EPHB4: variants seen among roughly 807,000 people sequenced by gnomAD.
EPHB4 encodes ephrin type-B receptor 4.
In EPHB4, 50 loss-of-function variants were observed where a neutral mutation model predicts 110.6. The observed-to-expected ratio is 0.45, with a 90% CI of 0.36 to 0.57. The LOEUF (loss-of-function observed/expected upper bound fraction) is 0.57. Among genes scored for constraint, EPHB4 ranks in the 20% least tolerant of loss-of-function variants. The pLI, the probability that EPHB4 is intolerant of heterozygous loss-of-function variation, is 0.00. For synonymous variants in EPHB4, 592 were observed against 578.4 expected, an observed-to-expected ratio of 1.02 and a Z score of -0.34; for missense variants, 1,128 against 1,382.1, an observed-to-expected ratio of 0.82 and a Z score of 2.91.
intron 8 of EPHB4, among the ~76,000 whole-genome samples, chr7:100,815,922 AG>A (rs1813055352): frequency 6.6e-6 from 1 of 152,172 alleles, no homozygotes; most frequent in Non-Finnish European, 1.5e-5. Flanking sequence ...CGGGAGTTGT[AG>A]GCTGCAATGA....
Position 100,805,683 on chromosome 7 carries a change from G to A in EPHB4, c.2496C>T (p.Ala832=). ...WDMSNQDVIN[A]IEQDYRLPPP... is the part of the protein sequence containing the mutation. ...GGGGCAGCCGGTAGTCCTGTTCAAT[G>A]GCATTGATCACCTGGAAAGAGGGGA... Residue 832 remains alanine, a synonymous_variant, in exon 15 of 17, where the codon GCC becomes GCT. Transcript: ENST00000358173. 1 of 1,492,518 alleles carries A rather than the reference G, an allele frequency of 6.7e-7. No individual in the cohort carries two copies. The highest frequency in any genetic ancestry group is 2.5e-5 in the East Asian group (1 of 40,564). The allele number at this position is 1,492,518 out of a possible 1,614,324, so 92.5% of individuals were successfully genotyped here.
At position 100,822,275 on chromosome 7, in the gene EPHB4, G is replaced by A. The variant is rs1813253984; in HGVS notation, c.804C>T (p.Cys268=). The A allele has an allele frequency of 6.4e-7, 1 of 1,559,636 alleles. No individual in the cohort carries two copies. The highest frequency in any genetic ancestry group is 1.9e-5 in the Admixed American group (1 of 53,914). The change falls in exon 4 of 17, where the codon TGC becomes TGT. Residue 268 remains cysteine, a synonymous_variant. Transcript: ENST00000358173. The surrounding 1 kb of genome is among the most constrained non-coding windows in gnomAD (Gnocchi z 4.7). ...GFEAAEGNTK[C]RACAQGTFKP... ...AGGGGAAGCTCCAGCTCTCACCTCG[G>A]CACTTGGTGTTCCCCTCAGCTGCCT... is the stretch of plus-strand genomic sequence containing the variant.
Position 100,803,264 on chromosome 7 carries a change from C to A in EPHB4, c.*197G>T. On this transcript the variant is annotated 3_prime_UTR_variant, in exon 17 of 17. Coordinates refer to ENST00000358173, the MANE Select transcript of EPHB4 (RefSeq NM_004444.5). The stretch of plus-strand genomic sequence containing the variant: ...CGCCCTCACCCTTGGTCTGGAGTTC[C>A]CCGAGGTGGCTGGGGGGTGATTTTC... 1 of 601,178 alleles carries A rather than the reference C, an allele frequency of 1.7e-6. No homozygotes were observed. Among genetic ancestry groups the A allele is most frequent in the Non-Finnish European group, 2.6e-6 (1 of 384,272 alleles). 37.2% of individuals were successfully genotyped at this position (601,178 alleles called of 1,614,324 possible). A position where few individuals can be genotyped will look rare whatever the true frequency, so the allele number is the denominator to read the frequency against.
At chr7:100,813,805 A>G (rs1409142182) in intron 9 of EPHB4, 89 bp from the exon 10 acceptor site, 13 of 1,606,376 alleles carry the variant, frequency 8.1e-6, no homozygotes, top group Non-Finnish European at 9.4e-6. Context: ...GGGATTGGAG[A>G]AGATTTCAAG....
chr7:100,805,157 A>G lies in EPHB4; in HGVS notation c.2834+9T>C. On this transcript the variant is annotated intron_variant, in intron 16 of 16. Transcript: ENST00000358173. ...TCCCAGCCCCACTCCAGCTCCTGCC[A>G]CTGCTTACTCAGCAGAGATCTGGCT... 6.2e-7 allele frequency: 1 copy of G among 1,611,206 alleles called. No individual in the cohort carries two copies. The highest frequency in any genetic ancestry group is 8.5e-7 in the Non-Finnish European group (1 of 1,178,738).
In EPHB4 at chr7:100,822,820, C is replaced by T. The variant is rs1289671515; in HGVS notation, c.412-153G>A. On this transcript the variant is annotated intron_variant, in intron 3 of 16. Coordinates refer to ENST00000358173, the MANE Select transcript of EPHB4 (RefSeq NM_004444.5). The surrounding 1 kb of genome is among the most constrained non-coding windows in gnomAD (Gnocchi z 4.7). The stretch of plus-strand genomic sequence containing the variant: ...CCCCAGGGCACACTTTCTGCAGGCC[C>T]CCACACTGTCCATTCAGCCTTGCAA... 1.3e-5 allele frequency among the ~76,000 whole-genome samples: 2 copies of T among 152,210 alleles called. No homozygotes were observed. Among genetic ancestry groups the T allele is most frequent in the African/African-American group, 4.8e-5 (2 of 41,450 alleles).
rs778119643 is a variant in EPHB4 at position 100,819,821 on chromosome 7, C to T, written c.1033G>A (p.Ala345Thr). ...TCTCGGCCACCAGACTCCAGGGGGG[C>T]ACTCCATTCCAGGTGCAGGGAGGAG... ...NGSSLHLEWS[A>T]PLESGGREDL... The change falls in exon 6 of 17, where the codon GCC becomes ACC. Residue 345 changes from alanine (A) to threonine (T), a missense_variant. By Grantham distance (58) the Ala-to-Thr change is moderately conservative. Transcript: ENST00000358173. The T allele has an allele frequency of 1.6e-5, 25 of 1,558,626 alleles. No homozygotes were observed. The Admixed American group carries it at 3.5e-4, about 22-fold the overall frequency.
intron 7 of EPHB4, among the ~76,000 whole-genome samples, 191 bp from the exon 8 acceptor site, chr7:100,817,548 T>C (rs913989281): frequency 5.3e-5 from 8 of 152,188 alleles, no homozygotes; most frequent in African/African-American, 1.9e-4. Context: ...AGACAAGGTC[T>C]CACTTTCTCA....
intron 12 of EPHB4, 65 bp downstream of exon 12, chr7:100,812,682 C>T: frequency 4.5e-6 from 7 of 1,561,016 alleles, no homozygotes; most frequent in Non-Finnish European, 6.0e-6. Context: ...GGCTTCTTAA[C>T]CCAAGTGGCC....
rs751024707 is a variant in EPHB4, at chr7:100,812,918, C to G, written c.1947G>C (p.Leu649=). The change falls in exon 12 of 17, where the codon CTG becomes CTC. Residue 649 remains leucine, a synonymous_variant. Coordinates refer to ENST00000358173, the MANE Select transcript of EPHB4 (RefSeq NM_004444.5). The part of the protein sequence containing the change: ...KKESCVAIKT[L]KGGYTERQRR... Reference sequence around the variant, plus strand: ...GCTGCCGCTCCGTGTAGCCACCCTTCAGGGTCTTGATTGCCACACAGCTCT... The same window carrying G: ...GCTGCCGCTCCGTGTAGCCACCCTTGAGGGTCTTGATTGCCACACAGCTCT... 6.2e-7 allele frequency: 1 copy of G among 1,614,220 alleles called. No individual in the cohort carries two copies. The highest frequency in any genetic ancestry group is 1.1e-5 in the South Asian group (1 of 91,088).
intron 8 of EPHB4, among the ~76,000 whole-genome samples, chr7:100,815,486 G>C (rs1166931621): frequency 2.0e-5 from 3 of 152,168 alleles, no homozygotes; most frequent in African/African-American, 7.2e-5. Flanking sequence ...TAAGGCAACA[G>C]AAAGATCTGG....
At position 100,819,741 on chromosome 7, in the gene EPHB4, C is replaced by T. The variant is rs756836367; in HGVS notation, c.1113G>A (p.Ala371=). 1.5e-5 allele frequency: 24 copies of T among 1,609,762 alleles called. No individual in the cohort carries two copies. The Admixed American group carries it at 2.4e-4, about 16-fold the overall frequency. The change falls in exon 6 of 17, where the codon GCG becomes GCA. Residue 371 remains alanine, a synonymous_variant. Coordinates refer to ENST00000358173, the MANE Select transcript of EPHB4 (RefSeq NM_004444.5). ...CRECRPGGSC[A]PCGGDLTFDP... ...CAAAAGTCAGGTCTCCCCCGCAGGG[C>T]GCACAGGAGCCTCCGGGTCGGCACT...
At position 100,824,103 on chromosome 7, in the gene EPHB4, G is replaced by A; in HGVS notation, c.123+100C>T. On this transcript the variant is annotated intron_variant, in intron 2 of 16. Coordinates refer to ENST00000358173, the MANE Select transcript of EPHB4 (RefSeq NM_004444.5). The stretch of plus-strand genomic sequence containing the variant: ...CTGCTGGGGCTGCTGTCATCTGGGG[G>A]GACAGGGGAGAGGAGTGGCACACAG... 3 of 1,560,872 alleles carry A rather than the reference G, an allele frequency of 1.9e-6. No homozygotes were observed. In the South Asian group the frequency reaches 3.4e-5, roughly 18 times the overall value.
At chr7:100,819,972 C>T in intron 5 of EPHB4, 83 bp from the exon 6 acceptor site, 1 of 1,478,926 alleles carries the variant, frequency 6.8e-7, no homozygotes, top group Non-Finnish European at 9.0e-7. Flanking sequence ...AGCAGCCATG[C>T]TGGACTCTTG....
At position 100,820,158 on chromosome 7, in the gene EPHB4, C is replaced by T. The variant is rs1453576486; in HGVS notation, c.947G>A (p.Arg316Gln). ...VGYFRARTDPRGAPCTTPPSA... is the reference protein window; with the variant it reads ...VGYFRARTDPQGAPCTTPPSA... ...TCACTTACTGGTGCAGGGTGCACCC[C>T]GGGGGTCTGTGCGTGCCCGGAAGTA... The change falls in exon 5 of 17, where the codon CGG becomes CAG. Residue 316 changes from arginine to glutamine, a missense_variant. By Grantham distance (43) the Arg-to-Gln change is conservative (BLOSUM62 1). Coordinates refer to ENST00000358173, the MANE Select transcript of EPHB4 (RefSeq NM_004444.5). The T allele has an allele frequency of 5.6e-6, 9 of 1,613,832 alleles. No individual in the cohort carries two copies. The highest frequency in any genetic ancestry group is 2.2e-5 in the South Asian group (2 of 91,060).
Position 100,818,613 on chromosome 7 carries a change from C to A in EPHB4, c.1329G>T (p.Thr443=). 1 of 1,612,662 alleles carries A rather than the reference C, an allele frequency of 6.2e-7. No individual in the cohort carries two copies. The highest frequency in any genetic ancestry group is 1.1e-5 in the South Asian group (1 of 91,070). ...GGCTCAAGCTGCTGGGTGAGGACCG[C>A]GTCACCCGGATGTCAGACACTGCAG... ...VPPAVSDIRV[T]RSSPSSLSLA... Residue 443 remains threonine, a synonymous_variant, in exon 7 of 17, where the codon ACG becomes ACT. Coordinates refer to ENST00000358173, the MANE Select transcript of EPHB4 (RefSeq NM_004444.5).
Position 100,822,652 on chromosome 7 carries a change from C to A in EPHB4, c.427G>T (p.Ala143Ser), listed in dbSNP as rs891838296. ...NPYIKVDTVA[A>S]EHLTRKRPGA... ...GGGCGCTTCCGGGTGAGATGCTCCG[C>A]GGCCACCGTGTCCACCTGCCGGCGG... The change falls in exon 4 of 17, where the codon GCG becomes TCG. Residue 143 changes from alanine to serine, a missense_variant. Ala to Ser is a moderately conservative substitution (Grantham distance 99, BLOSUM62 1). Coordinates refer to ENST00000358173, the MANE Select transcript of EPHB4 (RefSeq NM_004444.5). This position sits in a 1 kb window ranked among gnomAD's most constrained non-coding sequence, Gnocchi z 4.7. 3.2e-6 allele frequency: 5 copies of A among 1,578,686 alleles called. No homozygotes were observed. In the African/African-American group the frequency reaches 6.7e-5, roughly 21 times the overall value.
rs1813183697 is a variant in EPHB4, at chr7:100,820,141, T to C, written c.964A>G (p.Thr322Ala). Residue 322 changes from threonine to alanine, a missense_variant and splice_region_variant, in exon 5 of 17, where the codon ACC (threonine) becomes GCC (alanine). Physicochemically the swap from Thr to Ala is moderately conservative, Grantham distance 58. Transcript: ENST00000358173. Reference sequence around the variant, plus strand: ...CTGCACCTGGGTGCTGGTCACTTACTGGTGCAGGGTGCACCCCGGGGGTCT... The same window carrying C: ...CTGCACCTGGGTGCTGGTCACTTACCGGTGCAGGGTGCACCCCGGGGGTCT... ...RTDPRGAPCT[T>A]PPSAPRSVVS... 1.2e-6 allele frequency: 2 copies of C among 1,613,466 alleles called. No homozygotes were observed. The highest frequency in any genetic ancestry group is 1.7e-4 in the Middle Eastern group (1 of 6,040).
At chr7:100,821,439 C>G (rs1165827531) in intron 4 of EPHB4, among the ~76,000 whole-genome samples, 3 of 150,940 alleles carry the variant, frequency 2.0e-5, no homozygotes, top group Non-Finnish European at 1.5e-5. Flanking sequence ...ACCATCCTGG[C>G]TAACACGGTG....
Sources: gnomAD v4.1 joint callset for allele counts (sites outside exome capture counted in the v4.1 genomes callset) on GRCh38, gnomAD v4.1.1 for gene constraint, Gnocchi (gnomAD v3.1) non-coding constraint, MANE v1.5 for transcripts, NCBI Gene and HGNC (gene_info 2026-07-23, HGNC 2026-07-21) for gene names.